Variants in RALGAPA2 observed in about 807,000 individuals in gnomAD.
RALGAPA2 encodes Ral GTPase activating protein catalytic subunit alpha 2, also known as ral GTPase-activating protein subunit alpha-2.
A neutral mutation model predicts 230.4 loss-of-function variants in RALGAPA2; 139 were observed. The ratio of observed to expected loss-of-function variants is 0.60; its 90% CI spans 0.53 to 0.69. The LOEUF is 0.69. RALGAPA2 is among the 30% of genes least tolerant of loss of function. RALGAPA2 has a pLI of 0.00. For synonymous variants in RALGAPA2, 847 were observed against 837.8 expected (o/e 1.01, Z -0.19); for missense variants, 2,163 against 2,276.0 (o/e 0.95, Z 1.01).
At chr20:20,674,172 G>A (rs139044003) in intron 3 of RALGAPA2, among the ~76,000 whole-genome samples, 1,538 of 150,248 alleles carry the variant, frequency 0.01, 40 homozygotes, top group African/African-American at 0.036. Flanking sequence ...CTCCAGCCTG[G>A]GCAATACCCT....
chr20:20,472,645 AATT>A, intron 37 of RALGAPA2, 181 bp downstream of exon 37: 3 of 490,112 alleles, frequency 6.1e-6, no homozygotes, highest in Non-Finnish European at 9.9e-6. Flanking sequence ...TGCAGCATAA[AATT>A]ATTATATTTA....
intron 3 of RALGAPA2, among the ~76,000 whole-genome samples, chr20:20,665,268 C>T (rs2067923249): frequency 6.6e-6 from 1 of 152,172 alleles, no homozygotes; most frequent in Admixed American, 6.5e-5. Context: ...TTAAAAGATT[C>T]TTGGAAGCAT....
intron 35 of RALGAPA2, among the ~76,000 whole-genome samples, chr20:20,496,694 T>C (rs183572346): frequency 2.6e-5 from 4 of 152,354 alleles, no homozygotes; most frequent in Admixed American, 1.3e-4. Flanking sequence ...TACTATGTAT[T>C]TAAAACGTGT....
chr20:20,624,927 G>A lies in RALGAPA2; in HGVS notation c.1234-4297C>T, dbSNP rs140591763. ...AGGATTCCATTGTCATAGTTACTCC[G>A]TCAGTCCCCATCCCCACCCCAGGCA... On this transcript the variant is annotated intron_variant, in intron 10 of 39. Coordinates refer to ENST00000202677, the MANE Select transcript of RALGAPA2 (RefSeq NM_020343.4). Among the ~76,000 whole-genome samples, 332 of 152,096 alleles carry A rather than the reference G, an allele frequency of 2.2e-3. 8 individuals carry two copies. The East Asian group carries it at 0.052, about 24-fold the overall frequency.
In RALGAPA2 at chr20:20,629,531, C is replaced by T. The variant is rs6046970; in HGVS notation, c.1065G>A (p.Thr355=). The change falls in exon 10 of 40, where the codon ACG becomes ACA. Residue 355 remains threonine, a synonymous_variant. Transcript: ENST00000202677. ...RAPELDGGGP[T]EQDKSHSNSS... ...TGTTAGAATGGCTTTTGTCCTGCTCCGTGGGCCCACCACCATCCAGCTCAG... is the reference window on the plus strand; with the variant it reads ...TGTTAGAATGGCTTTTGTCCTGCTCTGTGGGCCCACCACCATCCAGCTCAG... 4.8e-4 allele frequency: 770 copies of T among 1,613,882 alleles called. 5 individuals are homozygous for T. The African/African-American group carries it at 8.2e-3, about 17-fold the overall frequency.
At chr20:20,676,123 A>C in intron 3 of RALGAPA2, 113 bp downstream of exon 3, 1 of 694,304 alleles carries the variant, frequency 1.4e-6, no homozygotes, top group South Asian at 2.7e-5. Flanking sequence ...GGAAAGAAAA[A>C]AATATATGTC....
chr20:20,532,814 G>A (rs932859143), intron 26 of RALGAPA2, among the ~76,000 whole-genome samples: 1 of 152,082 alleles, frequency 6.6e-6, no homozygotes, highest in Non-Finnish European at 1.5e-5. Flanking sequence ...AGGAGGAGAG[G>A]TCAGCAAAAG....
chr20:20,538,771 G>C (rs117029402), intron 24 of RALGAPA2, among the ~76,000 whole-genome samples: 1 of 152,128 alleles, frequency 6.6e-6, no homozygotes, highest in African/African-American at 2.4e-5. Flanking sequence ...TCTTTGTGGA[G>C]TGCAGAGAGA....
chr20:20,484,199 G>C (rs1490934794), intron 36 of RALGAPA2, among the ~76,000 whole-genome samples: 5 of 152,170 alleles, frequency 3.3e-5, no homozygotes, highest in Non-Finnish European at 5.9e-5. Context: ...TTTCCCGTTG[G>C]GAAAAACAAT....
At chr20:20,403,806 G>A (rs1024220144) in intron 38 of RALGAPA2, among the ~76,000 whole-genome samples, 8 of 152,202 alleles carry the variant, frequency 5.3e-5, no homozygotes, top group African/African-American at 1.9e-4. Context: ...CAGCAGCACT[G>A]GCAAGGCAAG....
chr20:20,445,894 C>G (rs1175559071), intron 37 of RALGAPA2, among the ~76,000 whole-genome samples: 1 of 152,082 alleles, frequency 6.6e-6, no homozygotes, highest in African/African-American at 2.4e-5. Flanking sequence ...AAGCTGGACT[C>G]AGAGCCAAAG....
chr20:20,474,603 G>A (rs942001793), intron 36 of RALGAPA2, among the ~76,000 whole-genome samples: 2 of 152,200 alleles, frequency 1.3e-5, no homozygotes, highest in African/African-American at 2.4e-5. Flanking sequence ...TGAAGGTAGA[G>A]TTGTCAGGAT....
intron 39 of RALGAPA2, among the ~76,000 whole-genome samples, chr20:20,395,689 G>C (rs1291852388): frequency 1.3e-5 from 2 of 152,304 alleles, no homozygotes; most frequent in East Asian, 1.9e-4. Context: ...GTGAGGGGAA[G>C]AGAAAGGGCA....
intron 27 of RALGAPA2, among the ~76,000 whole-genome samples, chr20:20,530,588 G>GCA: frequency 6.6e-6 from 1 of 152,212 alleles, no homozygotes; most frequent in Non-Finnish European, 1.5e-5. Flanking sequence ...AATGCACAAA[G>GCA]GGTGGTACAG....
chr20:20,572,992 A>T lies in RALGAPA2; in HGVS notation c.2784T>A (p.Ala928=). Residue 928 remains alanine, a synonymous_variant, in exon 21 of 40, where the codon GCT becomes GCA. Transcript: ENST00000202677. Reference sequence around the variant, plus strand: ...CCAAGACCCTTCGCCATAACACAGCAGCAGAGTCTGGGTGCCAACCAGTGA... The same window carrying T: ...CCAAGACCCTTCGCCATAACACAGCTGCAGAGTCTGGGTGCCAACCAGTGA... ...GSLTGWHPDS[A]AVLWRRVLGI... The T allele has an allele frequency of 6.2e-7, 1 of 1,610,292 alleles. No homozygotes were observed. The highest frequency in any genetic ancestry group is 8.5e-7 in the Non-Finnish European group (1 of 1,178,346).
At chr20:20,396,108 G>C (rs2059709850) in intron 39 of RALGAPA2, among the ~76,000 whole-genome samples, 1 of 152,328 alleles carries the variant, frequency 6.6e-6, no homozygotes, top group South Asian at 2.1e-4. Flanking sequence ...AGGCAGGCTG[G>C]GGAGGTCACA....
At chr20:20,505,726 G>GT (rs1316847076) in intron 33 of RALGAPA2, among the ~76,000 whole-genome samples, 192 bp from the exon 34 acceptor site, 1 of 152,116 alleles carries the variant, frequency 6.6e-6, no homozygotes, top group Non-Finnish European at 1.5e-5. Flanking sequence ...AAAGAGATGA[G>GT]TATTATTATC....
At chr20:20,432,821 A>G (rs2060527891) in intron 37 of RALGAPA2, among the ~76,000 whole-genome samples, 1 of 152,192 alleles carries the variant, frequency 6.6e-6, no homozygotes, top group Admixed American at 6.5e-5. Flanking sequence ...ACCAGGGAGA[A>G]TCATCATTAT....
intron 4 of RALGAPA2, among the ~76,000 whole-genome samples, chr20:20,644,602 A>T (rs1188744596): frequency 6.6e-6 from 1 of 152,242 alleles, no homozygotes; most frequent in Non-Finnish European, 1.5e-5. Flanking sequence ...GAAACTCATC[A>T]TCATGACTCA....
Sources: gnomAD v4.1 joint callset for allele counts (sites outside exome capture counted in the v4.1 genomes callset) on GRCh38, gnomAD v4.1.1 for gene constraint, MANE v1.5 for transcripts, NCBI Gene and HGNC (gene_info 2026-07-23, HGNC 2026-07-21) for gene names.